Variants in KCNIP4 observed in about 807,000 individuals in gnomAD.
KCNIP4 encodes potassium voltage-gated channel interacting protein 4.
KCNIP4 carries 12 observed loss-of-function variants against 34.0 expected under a neutral mutation model. The observed-to-expected ratio is 0.35, with a 90% CI of 0.23 to 0.57. The LOEUF is 0.57. KCNIP4 is among the 20% of genes least tolerant of loss of function. The pLI, the probability that KCNIP4 is intolerant of heterozygous loss-of-function variation, is 0.83. For missense variants in KCNIP4, 238 were observed against 311.7 expected (o/e 0.76, Z 1.78); for synonymous variants, 124 against 102.2 (o/e 1.21, Z -1.29).
chr4:21,793,063 A>G (rs7695914), intron 1 of KCNIP4, among the ~76,000 whole-genome samples: 16,051 of 152,250 alleles, frequency 0.11, 2,888 homozygotes, highest in African/African-American at 0.37. Flanking sequence ...AGGTAAGGAT[A>G]GTCAACATTC....
intron 8 of KCNIP4, 82 bp from the exon 9 acceptor site, chr4:20,730,211 C>T (rs533708266): frequency 8.4e-5 from 123 of 1,467,696 alleles, no homozygotes; most frequent in Non-Finnish European, 1.0e-4. Context: ...GTATTGCCTC[C>T]TCCCATCAAC....
At chr4:21,531,360 C>CCTCCCTCT (rs1736669370) in intron 1 of KCNIP4, among the ~76,000 whole-genome samples, 1 of 121,898 alleles carries the variant, frequency 8.2e-6, no homozygotes, top group Non-Finnish European at 1.8e-5. Context: ...TCCCTCCCTC[C>CCTCCCTCT]CTCCCTCCCT....
At chr4:21,779,895 C>T (rs1210901600) in intron 1 of KCNIP4, among the ~76,000 whole-genome samples, 1 of 150,072 alleles carries the variant, frequency 6.7e-6, no homozygotes, top group African/African-American at 2.5e-5. Context: ...TGTGCTGCTG[C>T]ACTCTAGCCT....
intron 1 of KCNIP4, among the ~76,000 whole-genome samples, chr4:21,486,578 G>A (rs1275707346): frequency 1.3e-5 from 2 of 152,046 alleles, no homozygotes; most frequent in Admixed American, 6.6e-5. Flanking sequence ...TTGACTGAAA[G>A]CTAAAGAATA....
intron 3 of KCNIP4, among the ~76,000 whole-genome samples, chr4:20,772,970 A>C (rs188645851): frequency 6.6e-6 from 1 of 151,598 alleles, no homozygotes; most frequent in Admixed American, 6.6e-5. Context: ...AGAAAATACT[A>C]GTTTGTCCCT....
intron 3 of KCNIP4, among the ~76,000 whole-genome samples, chr4:20,814,372 G>A (rs1364115636): frequency 6.6e-6 from 1 of 152,166 alleles, no homozygotes; most frequent in Admixed American, 6.5e-5. Context: ...GGGTTCTTAA[G>A]TGAGACCTCA....
At chr4:21,788,845 T>C (rs371158157) in intron 1 of KCNIP4, among the ~76,000 whole-genome samples, 5 of 151,922 alleles carry the variant, frequency 3.3e-5, no homozygotes, top group African/African-American at 1.2e-4. Flanking sequence ...GAGGCTGAGG[T>C]GGGCGGATCA....
chr4:21,878,536 C>T (rs991366524), intron 1 of KCNIP4, among the ~76,000 whole-genome samples: 1 of 152,184 alleles, frequency 6.6e-6, no homozygotes, highest in Non-Finnish European at 1.5e-5. Flanking sequence ...GAAGTATGTA[C>T]TTTCTCTGCA....
intron 1 of KCNIP4, among the ~76,000 whole-genome samples, chr4:21,233,562 T>TA (rs1288737119): frequency 1.3e-5 from 2 of 151,628 alleles, no homozygotes; most frequent in Non-Finnish European, 2.9e-5. Flanking sequence ...GAGAGGTGGT[T>TA]AAAAAACCAA....
chr4:21,934,999 C>T (rs1237563774), intron 1 of KCNIP4, among the ~76,000 whole-genome samples: 1 of 152,078 alleles, frequency 6.6e-6, no homozygotes, highest in Non-Finnish European at 1.5e-5. Flanking sequence ...TTTCTTTCTT[C>T]TGTCCTCTGT....
At chr4:21,261,587 T>C (rs1349043696) in intron 1 of KCNIP4, among the ~76,000 whole-genome samples, 2 of 152,314 alleles carry the variant, frequency 1.3e-5, no homozygotes, top group Admixed American at 6.5e-5. Flanking sequence ...TGACTTGTCT[T>C]ACTAATTTTT....
chr4:21,844,898 A>G (rs778205863), intron 1 of KCNIP4: 7 of 151,948 alleles, frequency 4.6e-5, no homozygotes, highest in Non-Finnish European at 1.0e-4. Flanking sequence ...TCCATTGAGA[A>G]AACCAAGGCT....
chr4:20,896,403 A>G (rs1056513668), intron 1 of KCNIP4, among the ~76,000 whole-genome samples: 1 of 152,204 alleles, frequency 6.6e-6, no homozygotes, highest in African/African-American at 2.4e-5. Flanking sequence ...TTTGGAAAAT[A>G]GAATGTTTGC....
At chr4:21,774,370 T>A (rs1719031115) in intron 1 of KCNIP4, among the ~76,000 whole-genome samples, 1 of 152,098 alleles carries the variant, frequency 6.6e-6, no homozygotes, top group South Asian at 2.1e-4. Context: ...CCCTTAAAAG[T>A]TTTTCCTTCA....
At chr4:21,006,744 A>G (rs1257381287) in intron 1 of KCNIP4, among the ~76,000 whole-genome samples, 5 of 152,184 alleles carry the variant, frequency 3.3e-5, no homozygotes, top group African/African-American at 1.2e-4. Context: ...GGGTAAGTGC[A>G]TGCCGTGCCT....
chr4:21,021,849 A>T (rs1278350814), intron 1 of KCNIP4, among the ~76,000 whole-genome samples: 1 of 137,256 alleles, frequency 7.3e-6, no homozygotes, highest in African/African-American at 2.7e-5. Flanking sequence ...AATAATGAAA[A>T]GTATAGTATC....
chr4:21,774,375 C>G (rs1313616015), intron 1 of KCNIP4, among the ~76,000 whole-genome samples: 1 of 152,068 alleles, frequency 6.6e-6, no homozygotes, highest in African/African-American at 2.4e-5. Context: ...AAAAGTTTTT[C>G]CTTCATTTCA....
chr4:21,686,136 G>A (rs1220194604), intron 1 of KCNIP4, among the ~76,000 whole-genome samples: 2 of 152,146 alleles, frequency 1.3e-5, no homozygotes, highest in Non-Finnish European at 2.9e-5. Flanking sequence ...ACAGGAATGT[G>A]ACTGATTTGG....
intron 1 of KCNIP4, among the ~76,000 whole-genome samples, chr4:21,794,231 C>A (rs1167219106): frequency 6.6e-6 from 1 of 151,986 alleles, no homozygotes; most frequent in Non-Finnish European, 1.5e-5. Context: ...AGGTAACAAA[C>A]CTGCACGTTG....
Sources: allele counts gnomAD v4.1 joint callset (sites outside exome capture counted in the v4.1 genomes callset), GRCh38; gene constraint gnomAD v4.1.1; transcripts MANE v1.5; gene names NCBI Gene and HGNC (gene_info 2026-07-23, HGNC 2026-07-21).